ANKHD1: variants seen among roughly 807,000 people sequenced by gnomAD.
The protein encoded by ANKHD1 is ankyrin repeat and KH domain containing 1, also known as ankyrin repeat and KH domain-containing protein 1.
A neutral mutation model predicts 230.5 loss-of-function variants in ANKHD1; 31 were observed. That is an observed-to-expected ratio of 0.13 (90% CI 0.10 to 0.18). The LOEUF (loss-of-function observed/expected upper bound fraction) is 0.18, where lower values mean the gene tolerates loss of function less well. Ranked by LOEUF, ANKHD1 falls within the 10% of genes least tolerant of loss-of-function variation. ANKHD1 has a pLI of 1.00. For missense variants in ANKHD1, 2,256 were observed against 3,071.3 expected, an observed-to-expected ratio of 0.73 and a Z score of 6.27; for synonymous variants, 1,074 against 1,117.6, an observed-to-expected ratio of 0.96 and a Z score of 0.78.
chr5:140,531,252 C>T (rs529582198), intron 29 of ANKHD1: 40 of 397,740 alleles, frequency 1.0e-4, no homozygotes, highest in East Asian at 1.9e-4. Context: ...GCTCTTTTCA[C>T]GGATATAGTT....
chr5:140,515,886 C>T lies in ANKHD1; in HGVS notation c.4317+2407C>T, dbSNP rs1028939778. On this transcript the variant is annotated intron_variant, in intron 24 of 33. Coordinates refer to ENST00000360839, the MANE Select transcript of ANKHD1 (RefSeq NM_017747.3). ...AAACTGGAAACTCTAAAAAGCAGAG[C>T]GCCTCTCCTCCTCCAAAGGAACAAA... Among the ~76,000 whole-genome samples the T allele has an allele frequency of 5.9e-5, 9 of 152,250 alleles. No individual in the cohort carries two copies. The East Asian group carries it at 9.6e-4, about 16-fold the overall frequency.
chr5:140,436,252 C>T lies in ANKHD1; in HGVS notation c.455C>T (p.Ala152Val). 1.3e-6 allele frequency: 2 copies of T among 1,554,656 alleles called. No individual in the cohort carries two copies. Among genetic ancestry groups the T allele is most frequent in the Non-Finnish European group, 1.7e-6 (2 of 1,155,222 alleles). ...GCACGACTAGAAGCATTGCTAGAAG[C>T]AGCAGGTACTTTATTTTTTGTTTTA... ...TQARLEALLE[A>V]AGIGKLSTAD... The change falls in exon 2 of 34, where the codon GCA becomes GTA. Residue 152 changes from alanine (A) to valine (V), a missense_variant. Physicochemically the swap from Ala to Val is moderately conservative, Grantham distance 64. Around this residue, in one of 13 missense-constraint regions of ANKHD1, gnomAD observed 206 missense variants for 304.5 expected, o/e 0.68. Transcript: ENST00000360839.
At chr5:140,411,023 A>G (rs575295129) in intron 1 of ANKHD1, among the ~76,000 whole-genome samples, 1 of 152,308 alleles carries the variant, frequency 6.6e-6, no homozygotes, top group African/African-American at 2.4e-5. Flanking sequence ...AGAAATATGT[A>G]GTTTTTGGTT....
chr5:140,500,214 C>G (rs1250588510), intron 15 of ANKHD1, among the ~76,000 whole-genome samples: 1 of 152,104 alleles, frequency 6.6e-6, no homozygotes, highest in African/African-American at 2.4e-5. Flanking sequence ...TAAAAATCAC[C>G]TAATATCAAT....
intron 24 of ANKHD1, among the ~76,000 whole-genome samples, chr5:140,518,450 C>T (rs535551581): frequency 1.3e-5 from 2 of 151,540 alleles, no homozygotes; most frequent in East Asian, 3.9e-4. Context: ...AGGCCAGCAT[C>T]ATCCTGATAC....
intron 1 of ANKHD1, among the ~76,000 whole-genome samples, chr5:140,426,528 A>ATTTT (rs1297910256): frequency 4.0e-5 from 6 of 151,000 alleles, no homozygotes; most frequent in Admixed American, 3.3e-4. Flanking sequence ...TTATTTATTT[A>ATTTT]TTTTTTTATT....
At chr5:140,449,475 C>A (rs932955868) in intron 7 of ANKHD1, among the ~76,000 whole-genome samples, 170 bp downstream of exon 7, 14 of 152,038 alleles carry the variant, frequency 9.2e-5, no homozygotes, top group African/African-American at 3.4e-4. Context: ...CCAGCCTGGC[C>A]AGTATGGTGA....
In ANKHD1 at chr5:140,496,567, C is replaced by G. The variant is rs1581338473; in HGVS notation, c.2293C>G (p.Leu765Val). The change falls in exon 15 of 34, where the codon CTA becomes GTA. Residue 765 changes from leucine (L) to valine (V), a missense_variant. This residue lies in a region of ANKHD1 where 358 missense variants were observed against 397.7 expected (regional missense o/e 0.90). Coordinates refer to ENST00000360839, the MANE Select transcript of ANKHD1 (RefSeq NM_017747.3). ...TTCCCTCCAGGTAGCAGATCAGGACCTACTGCCATCTTTTCACCCATACCA... is the reference window on the plus strand; with the variant it reads ...TTCCCTCCAGGTAGCAGATCAGGACGTACTGCCATCTTTTCACCCATACCA... ...SSSLQVADQD[L>V]LPSFHPYQPL... 1 of 1,610,496 alleles carries G rather than the reference C, an allele frequency of 6.2e-7. No individual in the cohort carries two copies. The highest frequency in any genetic ancestry group is 1.4e-5 in the African/African-American group (1 of 73,776).
In ANKHD1 at chr5:140,508,414, A is replaced by G. The variant is rs1581352592; in HGVS notation, c.3765+416A>G. Among the ~76,000 whole-genome samples, 4 of 152,312 alleles carry G rather than the reference A, an allele frequency of 2.6e-5. No homozygotes were observed. In the South Asian group the frequency reaches 6.2e-4, roughly 24 times the overall value. On this transcript the variant is annotated intron_variant, in intron 20 of 33. Coordinates refer to ENST00000360839, the MANE Select transcript of ANKHD1 (RefSeq NM_017747.3). ...AGGGCAGCTAACATCTAATTTGACC[A>G]TGGCAGATTTTGACAGTTTCATGAC... is the stretch of plus-strand genomic sequence containing the variant.
At chr5:140,456,787 A>G (rs1255257258) in intron 7 of ANKHD1, among the ~76,000 whole-genome samples, 5 of 152,236 alleles carry the variant, frequency 3.3e-5, no homozygotes, top group African/African-American at 1.2e-4. Flanking sequence ...CATTCAGGAC[A>G]TAGGCTTGGG....
At chr5:140,526,840 A>C in intron 26 of ANKHD1, 88 bp from the exon 27 acceptor site, 1 of 1,451,562 alleles carries the variant, frequency 6.9e-7, no homozygotes. Flanking sequence ...CGAATATTTC[A>C]GCGTAACTCT....
At chr5:140,517,445 A>G (rs2127070766) in intron 24 of ANKHD1, among the ~76,000 whole-genome samples, 1 of 151,556 alleles carries the variant, frequency 6.6e-6, no homozygotes, top group East Asian at 1.9e-4. Flanking sequence ...CGGACCTAAT[A>G]GACATCTACA....
At chr5:140,502,222 C>T (rs1393990480) in intron 15 of ANKHD1, among the ~76,000 whole-genome samples, 1 of 152,110 alleles carries the variant, frequency 6.6e-6, no homozygotes, top group Non-Finnish European at 1.5e-5. Context: ...ATTCCACATG[C>T]ACTTTTTAAA....
At chr5:140,487,513 A>G (rs1226764464) in intron 14 of ANKHD1, among the ~76,000 whole-genome samples, 5 of 152,234 alleles carry the variant, frequency 3.3e-5, no homozygotes, top group Non-Finnish European at 2.9e-5. Context: ...TGCTGAATAT[A>G]GTAGATTATC....
At chr5:140,519,582 A>G (rs1214637342) in intron 24 of ANKHD1, among the ~76,000 whole-genome samples, 18 of 152,226 alleles carry the variant, frequency 1.2e-4, no homozygotes. Context: ...AAACAGAGAT[A>G]TAGATCAATG....
At chr5:140,492,049 T>C (rs1454582592) in intron 14 of ANKHD1, among the ~76,000 whole-genome samples, 3 of 152,212 alleles carry the variant, frequency 2.0e-5, no homozygotes, top group African/African-American at 7.2e-5. Context: ...TAAATTGGCA[T>C]GCTGCTTTTA....
chr5:140,491,141 TATATATATATATATATATA>T (rs1751768880), intron 14 of ANKHD1, among the ~76,000 whole-genome samples: 4 of 54,680 alleles, frequency 7.3e-5, no homozygotes, highest in Non-Finnish European at 1.4e-4. Context: ...TATATACACA[TATATATATATATATATATA>T]TTTTTTTTTT....
intron 14 of ANKHD1, 56 bp from the exon 15 acceptor site, chr5:140,496,464 T>TTC: frequency 3.5e-6 from 3 of 852,098 alleles, no homozygotes; most frequent in Admixed American, 5.2e-5. Flanking sequence ...TTCTTTTCTT[T>TTC]TTTTTTTTTT....
Position 140,510,831 on chromosome 5 carries a change from G to A in ANKHD1, c.4104+650G>A, listed in dbSNP as rs1752734591. Reference sequence around the variant, plus strand: ...ATCTTCTGTGTGCGTGTGTGTGTGTGTGTGTGAGTATGAAACGGTCTCAGT... The same window carrying A: ...ATCTTCTGTGTGCGTGTGTGTGTGTATGTGTGAGTATGAAACGGTCTCAGT... On this transcript the variant is annotated intron_variant, in intron 22 of 33. Transcript: ENST00000360839. Among the ~76,000 whole-genome samples, 2 of 151,782 alleles carry A rather than the reference G, an allele frequency of 1.3e-5. 1 individual carries two copies. Among genetic ancestry groups the A allele is most frequent in the Admixed American group, 1.3e-4 (2 of 15,240 alleles).
Sources: allele counts gnomAD v4.1 joint callset (sites outside exome capture counted in the v4.1 genomes callset), GRCh38; gene constraint gnomAD v4.1.1; regional missense constraint gnomAD v4.1.1; transcripts MANE v1.5; gene names NCBI Gene and HGNC (gene_info 2026-07-23, HGNC 2026-07-21).